The following COL24A1 variants were observed in gnomAD, a reference collection of about 807,000 sequenced individuals.
COL24A1 encodes collagen alpha-1(XXIV) chain.
In COL24A1, 224 loss-of-function variants were observed where a neutral mutation model predicts 253.9. That is an observed-to-expected ratio of 0.88 (90% CI 0.79 to 0.99). The LOEUF (loss-of-function observed/expected upper bound fraction) is 0.99, where lower values mean the gene tolerates loss of function less well. Among genes scored for constraint, COL24A1 ranks in the 50% least tolerant of loss-of-function variants. COL24A1 has a pLI of 0.00. For synonymous variants in COL24A1, 685 were observed against 673.7 expected (o/e 1.02, Z -0.26); for missense variants, 2,131 against 2,068.5 (o/e 1.03, Z -0.59).
chr1:85,967,419 C>T (rs982245603), intron 22 of COL24A1, among the ~76,000 whole-genome samples: 1 of 152,080 alleles, frequency 6.6e-6, no homozygotes, highest in South Asian at 2.1e-4. Context: ...GGAGACAAGA[C>T]ACAATGGAAA....
chr1:85,902,604 T>C (rs890147536), intron 28 of COL24A1, among the ~76,000 whole-genome samples: 1 of 152,198 alleles, frequency 6.6e-6, no homozygotes, highest in African/African-American at 2.4e-5. Flanking sequence ...CTGGTGTCAA[T>C]CTGGTTTCCA....
At chr1:85,797,027 C>T (rs1458376680) in intron 47 of COL24A1, among the ~76,000 whole-genome samples, 5 of 150,318 alleles carry the variant, frequency 3.3e-5, no homozygotes, top group South Asian at 2.1e-4. Context: ...GGTGAAACCC[C>T]GTCTCTACCA....
rs2102267533 is a variant in COL24A1, at chr1:86,125,434, A to G, written c.902T>C (p.Val301Ala). ...TATCTGGTGTTCTTGTCTTTTATAC[A>G]CGGTTTCAGAATCATTTTTTATGAT... ...PNIIKNDSET[V>A]YKRQEHQISR... is the part of the protein sequence containing the mutation. The change falls in exon 3 of 60, where the codon GTG (valine) becomes GCG (alanine). Residue 301 changes from valine to alanine, a missense_variant. Transcript: ENST00000370571. 1 of 1,613,498 alleles carries G rather than the reference A, an allele frequency of 6.2e-7. No homozygotes were observed. The highest frequency in any genetic ancestry group is 8.5e-7 in the Non-Finnish European group (1 of 1,179,760).
At chr1:85,773,585 C>G (rs1668214558) in intron 53 of COL24A1, among the ~76,000 whole-genome samples, 1 of 152,186 alleles carries the variant, frequency 6.6e-6, no homozygotes, top group Admixed American at 6.5e-5. Flanking sequence ...AGGTCCTTCA[C>G]ATCCCTTGTA....
Position 86,057,134 on chromosome 1 carries a change from T to C in COL24A1, c.1851+797A>G, listed in dbSNP as rs74748624. Reference sequence around the variant, plus strand: ...CCCTCGTGGATGGTTTAGCATCATCTCCTTGGTGACAAGTGAGTTCTCAAC... The same window carrying C: ...CCCTCGTGGATGGTTTAGCATCATCCCCTTGGTGACAAGTGAGTTCTCAAC... On this transcript the variant is annotated intron_variant, in intron 10 of 59. Coordinates refer to ENST00000370571, the MANE Select transcript of COL24A1 (RefSeq NM_152890.7). 2.4e-3 allele frequency among the ~76,000 whole-genome samples: 370 copies of C among 152,214 alleles called. 10 individuals carry two copies. In the East Asian group the frequency reaches 0.046, roughly 19 times the overall value.
At chr1:85,779,208 C>T (rs1188791002) in intron 52 of COL24A1, among the ~76,000 whole-genome samples, 4 of 151,914 alleles carry the variant, frequency 2.6e-5, no homozygotes, top group Non-Finnish European at 5.9e-5. Context: ...CACTATGTTG[C>T]CCAGGCTGTG....
rs571138848 is a variant in COL24A1 at position 85,729,622 on chromosome 1, A to G, written c.*924T>C. ...GCTGAATTAAAACTTTACAAAATAT[A>G]TATACACTAAGTATCATTCCAGATG... On this transcript the variant is annotated 3_prime_UTR_variant, in exon 60 of 60. Coordinates refer to ENST00000370571, the MANE Select transcript of COL24A1 (RefSeq NM_152890.7). The G allele has an allele frequency of 7.2e-5, 11 of 152,736 alleles. No homozygotes were observed. The highest frequency in any genetic ancestry group is 3.9e-4 in the Admixed American group (6 of 15,298). The allele number at this position is 152,736 out of a possible 1,614,324, so 9.5% of individuals were successfully genotyped here.
At chr1:85,745,624 G>A in intron 55 of COL24A1, 118 bp from the exon 56 acceptor site, 1 of 659,366 alleles carries the variant, frequency 1.5e-6, no homozygotes. Context: ...TTATCTGAAG[G>A]GGTTCTGTAA....
At chr1:86,113,522 A>T (rs995657914) in intron 4 of COL24A1, among the ~76,000 whole-genome samples, 8 of 152,208 alleles carry the variant, frequency 5.3e-5, no homozygotes, top group Non-Finnish European at 8.8e-5. Flanking sequence ...ATCTAGCAAG[A>T]TGAAAACTAA....
At chr1:85,841,071 A>G (rs1676560299) in intron 42 of COL24A1, 151 bp downstream of exon 42, 1 of 588,514 alleles carries the variant, frequency 1.7e-6, no homozygotes, top group South Asian at 2.5e-5. Context: ...TATCATTTAA[A>G]TTTTGTGACC....
At chr1:85,768,440 C>A (rs947785701) in intron 53 of COL24A1, among the ~76,000 whole-genome samples, 1 of 151,860 alleles carries the variant, frequency 6.6e-6, no homozygotes, top group South Asian at 2.1e-4. Context: ...GACAAGAAAC[C>A]GGGAGTCCAG....
intron 55 of COL24A1, among the ~76,000 whole-genome samples, chr1:85,756,105 A>AAATAACTTG (rs907045614): frequency 6.1e-5 from 9 of 148,592 alleles, no homozygotes; most frequent in African/African-American, 2.2e-4. Flanking sequence ...AAAAATGGGC[A>AAATAACTTG]AATAACTTGA....
At chr1:85,763,591 A>G (rs1667059076) in intron 53 of COL24A1, among the ~76,000 whole-genome samples, 1 of 147,092 alleles carries the variant, frequency 6.8e-6, no homozygotes, top group African/African-American at 2.5e-5. Flanking sequence ...TCCCAGGTTC[A>G]AGTCATTCTC....
Position 85,781,297 on chromosome 1 carries a change from T to A in COL24A1, c.4285-24A>T, listed in dbSNP as rs201793614. 4 of 1,557,104 alleles carry A rather than the reference T, an allele frequency of 2.6e-6. No individual in the cohort carries two copies. In the South Asian group the frequency reaches 3.6e-5, roughly 14 times the overall value. ...CCCTGTTGAGGTAAAAGAAAAACAG[T>A]CTCACTGTTAGTATAATTAAAAAAA... On this transcript the variant is annotated intron_variant, in intron 51 of 59. Transcript: ENST00000370571.
chr1:86,038,808 G>A (rs567533806), intron 12 of COL24A1, among the ~76,000 whole-genome samples: 34 of 152,048 alleles, frequency 2.2e-4, no homozygotes, highest in African/African-American at 8.2e-4. Flanking sequence ...TCAACAACTA[G>A]CACCAACTTG....
chr1:85,970,153 T>G, intron 22 of COL24A1, 74 bp downstream of exon 22: 1 of 1,298,794 alleles, frequency 7.7e-7, no homozygotes, highest in Non-Finnish European at 1.1e-6. Context: ...TAAAATGTTA[T>G]GATGTTAAAA....
At chr1:85,785,652 T>C (rs1453816546) in intron 48 of COL24A1, among the ~76,000 whole-genome samples, 4 of 152,164 alleles carry the variant, frequency 2.6e-5, no homozygotes, top group African/African-American at 7.2e-5. Flanking sequence ...AGTAAACAAG[T>C]AGGTCATGAT....
intron 49 of COL24A1, 42 bp downstream of exon 49, chr1:85,784,217 C>T (rs1669431452): frequency 6.8e-6 from 11 of 1,610,290 alleles, no homozygotes; most frequent in Non-Finnish European, 8.5e-6. Context: ...GCAGCCTGCT[C>T]TGTAGAATAA....
chr1:86,021,700 T>C (rs1273314244), intron 18 of COL24A1, among the ~76,000 whole-genome samples: 4 of 152,086 alleles, frequency 2.6e-5, no homozygotes, highest in Non-Finnish European at 5.9e-5. Flanking sequence ...CCATTTTATT[T>C]AAATAGCTTT....
Sources: allele counts gnomAD v4.1 joint callset (sites outside exome capture counted in the v4.1 genomes callset), GRCh38; gene constraint gnomAD v4.1.1; transcripts MANE v1.5; gene names NCBI Gene and HGNC (gene_info 2026-07-23, HGNC 2026-07-21).